Variants in FMNL1 observed in about 807,000 individuals in gnomAD.
FMNL1 encodes formin like 1, also known as formin-like protein 1.
A neutral mutation model predicts 121.3 loss-of-function variants in FMNL1; 43 were observed. The observed-to-expected ratio is 0.35, with a 90% CI of 0.28 to 0.46. The LOEUF is 0.46. FMNL1 is among the 20% of genes least tolerant of loss of function. The pLI, the probability that FMNL1 is intolerant of heterozygous loss-of-function variation, is 1.00. For synonymous variants in FMNL1, 613 were observed against 613.5 expected, an observed-to-expected ratio of 1.00 and a Z score of 0.01; for missense variants, 1,191 against 1,482.4, an observed-to-expected ratio of 0.80 and a Z score of 3.23.
Position 45,246,934 on chromosome 17 carries a change from C to T in FMNL1, c.*76C>T, listed in dbSNP as rs372231026. The T allele has an allele frequency of 4.8e-5, 36 of 757,346 alleles. No individual in the cohort carries two copies. Among genetic ancestry groups the T allele is most frequent in the Non-Finnish European group, 8.2e-5 (34 of 414,960 alleles). The allele number at this position is 757,346 out of a possible 1,614,324, so 46.9% of individuals were successfully genotyped here. On this transcript the variant is annotated 3_prime_UTR_variant, in exon 27 of 27. Coordinates refer to ENST00000331495, the MANE Select transcript of FMNL1 (RefSeq NM_005892.4). ...GCAGTGCCCGTCGGCGTCCCCCGGG[C>T]CCCCCACTGCAGGTCACCTCCGACC...
chr17:45,239,206 A>G, intron 11 of FMNL1, 141 bp downstream of exon 11: 1 of 662,110 alleles, frequency 1.5e-6, no homozygotes, highest in Non-Finnish European at 2.7e-6. Context: ...GACCTTGGAT[A>G]GGCCTCTTCC....
At chr17:45,224,146 T>C (rs2043286153) in intron 1 of FMNL1, among the ~76,000 whole-genome samples, 1 of 152,146 alleles carries the variant, frequency 6.6e-6, no homozygotes, top group South Asian at 2.1e-4. Flanking sequence ...AGTGTGTTTA[T>C]ACCTTCTTCC....
chr17:45,238,514 C>G, intron 9 of FMNL1, 50 bp from the exon 10 acceptor site: 1 of 1,601,676 alleles, frequency 6.2e-7, no homozygotes, highest in Non-Finnish European at 8.5e-7. Flanking sequence ...CAGAAGGTAG[C>G]TTAGGACGTG....
intron 1 of FMNL1, among the ~76,000 whole-genome samples, chr17:45,229,199 G>GCTGGGGGCGGGGGGC (rs1260190536): frequency 2.6e-5 from 4 of 152,340 alleles, no homozygotes; most frequent in African/African-American, 9.6e-5. Flanking sequence ...CCCTTCAGCC[G>GCTGGGGGCGGGGGGC]CTGGGGGCGG....
chr17:45,241,535 G>C lies in FMNL1; in HGVS notation c.1486G>C (p.Gly496Arg). 6.3e-7 allele frequency: 1 copy of C among 1,577,364 alleles called. No homozygotes were observed. The highest frequency in any genetic ancestry group is 8.6e-7 in the Non-Finnish European group (1 of 1,162,556). Residue 496 changes from glycine to arginine, a missense_variant, in exon 14 of 27, where the codon GGG becomes CGG. By Grantham distance (125) the Gly-to-Arg change is moderately radical. Transcript: ENST00000331495. The surrounding 1 kb of genome is among the most constrained non-coding windows in gnomAD (Gnocchi z 7.0). ...KGLIRILRGP[G>R]DAVSIEILPV... ...GTTAATCCGTATTCTGCGGGGGCCG[G>C]GGGATGCTGTCTCCATCGAGATCCT...
At chr17:45,236,089 G>C in intron 6 of FMNL1, 47 bp from the exon 7 acceptor site, 1 of 1,506,750 alleles carries the variant, frequency 6.6e-7, no homozygotes, top group Non-Finnish European at 9.1e-7. Context: ...GAAACAGGAA[G>C]CTGGGGCTCA....
chr17:45,240,429 C>G lies in FMNL1; in HGVS notation c.1081-47C>G, dbSNP rs567587332. ...GGGGGTGGTTTGGAAAGACTCCCCC[C>G]CACACACACACCAGGCCTCACCCCA... On this transcript the variant is annotated intron_variant, in intron 11 of 26. Coordinates refer to ENST00000331495, the MANE Select transcript of FMNL1 (RefSeq NM_005892.4). The G allele has an allele frequency of 3.3e-4, 509 of 1,532,326 alleles. 5 individuals carry two copies. The South Asian group carries it at 5.2e-3, about 16-fold the overall frequency. The allele number at this position is 1,532,326 out of a possible 1,614,324, so 94.9% of individuals were successfully genotyped here. A position where few individuals can be genotyped will look rare whatever the true frequency, so the allele number is the denominator to read the frequency against.
Position 45,242,078 on chromosome 17 carries a change from C to T in FMNL1, c.1817C>T (p.Pro606Leu), listed in dbSNP as rs2043716291. 6.6e-7 allele frequency: 1 copy of T among 1,517,420 alleles called. No homozygotes were observed. Among genetic ancestry groups the T allele is most frequent in the Non-Finnish European group, 8.8e-7 (1 of 1,135,400 alleles). The allele number at this position is 1,517,420 out of a possible 1,614,324, so 94.0% of individuals were successfully genotyped here. The change falls in exon 15 of 27, where the codon CCG becomes CTG. Residue 606 changes from proline to leucine, a missense_variant. Physicochemically the swap from Pro to Leu is moderately conservative, Grantham distance 98. Transcript: ENST00000331495. ...GTDGPVPPPPPPPPPPPGGPP... is the reference protein window; with the variant it reads ...GTDGPVPPPPLPPPPPPGGPP... ...GACGGGCCGGTGCCTCCGCCGCCGC[C>T]GCCGCCGCCGCCGCCTCCCGGAGGT...
chr17:45,222,072 G>A lies in FMNL1; in HGVS notation c.-53G>A. The A allele has an allele frequency of 1.8e-6, 2 of 1,135,834 alleles. No homozygotes were observed. The highest frequency in any genetic ancestry group is 2.2e-6 in the Non-Finnish European group (2 of 926,842). 70.4% of individuals were successfully genotyped at this position (1,135,834 alleles called of 1,614,324 possible). ...CCGGGAGCCTCGTCCCCGTCCCCCG[G>A]AAAGCTGGATTTCCGAGGCTGGAGG... On this transcript the variant is annotated 5_prime_UTR_variant, in exon 1 of 27. Coordinates refer to ENST00000331495, the MANE Select transcript of FMNL1 (RefSeq NM_005892.4).
chr17:45,238,767 G>A (rs2043612362), intron 10 of FMNL1, 129 bp downstream of exon 10: 10 of 1,262,412 alleles, frequency 7.9e-6, no homozygotes, highest in Non-Finnish European at 7.9e-6. Context: ...GGTCAGTAGG[G>A]GAAGGGTGGA....
intron 3 of FMNL1, chr17:45,232,772 C>A: frequency 1.7e-6 from 1 of 588,086 alleles, no homozygotes; most frequent in South Asian, 1.7e-5. Flanking sequence ...TGTGTGTATA[C>A]TATGTGTGTA....
At position 45,233,190 on chromosome 17, in the gene FMNL1, C is replaced by G; in HGVS notation, c.328-34C>G. The G allele has an allele frequency of 3.9e-6, 6 of 1,550,356 alleles. No individual in the cohort carries two copies. Among genetic ancestry groups the G allele is most frequent in the Non-Finnish European group, 5.2e-6 (6 of 1,146,082 alleles). Reference sequence around the variant, plus strand: ...TGGTGGGCCTGTGGGAGGCCGGGCTCCACCCACCAGCCTTCCCTGTTCTCG... The same window carrying G: ...TGGTGGGCCTGTGGGAGGCCGGGCTGCACCCACCAGCCTTCCCTGTTCTCG... On this transcript the variant is annotated intron_variant, in intron 3 of 26. Transcript: ENST00000331495. This position sits in a 1 kb window ranked among gnomAD's most constrained non-coding sequence, Gnocchi z 4.1.
chr17:45,232,160 C>G (rs1398384824), intron 2 of FMNL1, among the ~76,000 whole-genome samples: 1 of 151,584 alleles, frequency 6.6e-6, no homozygotes, highest in Non-Finnish European at 1.5e-5. Context: ...GGCCACAGGG[C>G]AAGAAAAGAG....
At chr17:45,245,777 AGCCTTTCTACTGG>A in intron 23 of FMNL1, 44 bp downstream of exon 23, 1 of 1,591,484 alleles carries the variant, frequency 6.3e-7, no homozygotes, top group Middle Eastern at 1.7e-4. Context: ...AGGGCACTGA[AGCCTTTCTACTGG>A]GCAGCGGAGG....
intron 19 of FMNL1, 90 bp downstream of exon 19, chr17:45,244,334 GAT>G (rs2043778847): frequency 7.0e-7 from 1 of 1,426,714 alleles, no homozygotes; most frequent in Non-Finnish European, 9.6e-7. Flanking sequence ...ATGCAACAAA[GAT>G]AACATTCCCA....
At chr17:45,226,755 C>T (rs967806677) in intron 1 of FMNL1, among the ~76,000 whole-genome samples, 15 of 152,056 alleles carry the variant, frequency 9.9e-5, no homozygotes, top group Admixed American at 3.9e-4. Context: ...TTACTGTTGT[C>T]GGTGTTGTTT....
chr17:45,229,389 T>C (rs2043393876), intron 1 of FMNL1, among the ~76,000 whole-genome samples: 1 of 152,168 alleles, frequency 6.6e-6, no homozygotes, highest in Non-Finnish European at 1.5e-5. Flanking sequence ...GGAAGCTGGC[T>C]GGGGAGTCTC....
Position 45,222,181 on chromosome 17 carries a change from C to A in FMNL1, c.57C>A (p.Pro19=). The part of the protein sequence containing the change: ...EQPAGPAAPP[P]KQPAPPKQPM... ...CCGCGGGCCCCGCCGCGCCGCCCCC[C>A]AAGCAGCCCGCGCCTCCCAAGCAGC... The change falls in exon 1 of 27, where the codon CCC becomes CCA. Residue 19 remains proline, a synonymous_variant. Transcript: ENST00000331495. 8.1e-7 allele frequency: 1 copy of A among 1,236,882 alleles called. No homozygotes were observed. Among genetic ancestry groups the A allele is most frequent in the Non-Finnish European group, 1.0e-6 (1 of 988,040 alleles). The allele number at this position is 1,236,882 out of a possible 1,614,324, so 76.6% of individuals were successfully genotyped here. A position where few individuals can be genotyped will look rare whatever the true frequency, so the allele number is the denominator to read the frequency against.
Position 45,245,660 on chromosome 17 carries a change from T to A in FMNL1, c.2921T>A (p.Phe974Tyr), listed in dbSNP as rs762170948. The change falls in exon 23 of 27, where the codon TTC (phenylalanine) becomes TAC (tyrosine). Residue 974 changes from phenylalanine (F) to tyrosine (Y), a missense_variant. Transcript: ENST00000331495. The stretch of plus-strand genomic sequence containing the variant: ...GCCTTTGAGTCTGTGGTGGAGTACT[T>A]CGGAGAGAACCCCAAGACCACATCC... ...QEAFESVVEY[F>Y]GENPKTTSPG... 6.2e-6 allele frequency: 10 copies of A among 1,613,952 alleles called. No individual in the cohort carries two copies. The highest frequency in any genetic ancestry group is 8.5e-6 in the Non-Finnish European group (10 of 1,179,968).
Sources: allele counts gnomAD v4.1 joint callset (sites outside exome capture counted in the v4.1 genomes callset), GRCh38; gene constraint gnomAD v4.1.1; non-coding constraint Gnocchi (gnomAD v3.1); transcripts MANE v1.5; gene names NCBI Gene and HGNC (gene_info 2026-07-23, HGNC 2026-07-21).